The following STON2 variants were observed in gnomAD, a reference collection of about 807,000 sequenced individuals.
The protein encoded by STON2 is stonin-2.
In STON2, 29 loss-of-function variants were observed where a neutral mutation model predicts 65.7. That is an observed-to-expected ratio of 0.44 (90% CI 0.33 to 0.60). The LOEUF is 0.60. Ranked by LOEUF, STON2 falls within the 20% of genes least tolerant of loss-of-function variation. The pLI, the probability that STON2 is intolerant of heterozygous loss-of-function variation, is 0.03. For missense variants in STON2, 1,054 were observed against 1,118.1 expected, an observed-to-expected ratio of 0.94 and a Z score of 0.82; for synonymous variants, 404 against 414.2, an observed-to-expected ratio of 0.98 and a Z score of 0.30.
At chr14:81,430,847 C>A (rs959590998) in intron 1 of STON2, among the ~76,000 whole-genome samples, 1 of 152,016 alleles carries the variant, frequency 6.6e-6, no homozygotes, top group African/African-American at 2.4e-5. Flanking sequence ...AAATGTTATC[C>A]AGTGGGGATG....
At chr14:81,432,125 T>A (rs1478683271) in intron 1 of STON2, among the ~76,000 whole-genome samples, 1 of 152,134 alleles carries the variant, frequency 6.6e-6, no homozygotes, top group Non-Finnish European at 1.5e-5. Context: ...AACCACTGGT[T>A]TATTGGGACC....
At chr14:81,309,469 TTTAC>T (rs1304250290) in intron 5 of STON2, among the ~76,000 whole-genome samples, 3 of 152,154 alleles carry the variant, frequency 2.0e-5, no homozygotes, top group African/African-American at 7.2e-5. Flanking sequence ...ACTTTAAAAT[TTTAC>T]TTAGTTATGA....
chr14:81,425,072 T>G (rs902428146), intron 2 of STON2, among the ~76,000 whole-genome samples: 2 of 152,186 alleles, frequency 1.3e-5, no homozygotes, highest in Non-Finnish European at 2.9e-5. Context: ...TCAAAGCATA[T>G]AAACCATAAA....
chr14:81,310,959 G>T (rs1957542), intron 5 of STON2, among the ~76,000 whole-genome samples: 2 of 152,168 alleles, frequency 1.3e-5, no homozygotes, highest in East Asian at 3.9e-4. Context: ...CTATGTCTCT[G>T]TCTTCTATGG....
At position 81,277,683 on chromosome 14, in the gene STON2, T is replaced by C. The variant is rs368629542; in HGVS notation, c.1799A>G (p.His600Arg). 2.5e-6 allele frequency: 4 copies of C among 1,614,208 alleles called. No individual in the cohort carries two copies. Among genetic ancestry groups the C allele is most frequent in the Non-Finnish European group, 3.4e-6 (4 of 1,180,034 alleles). Residue 600 changes from histidine to arginine, a missense_variant, in exon 6 of 8, where the codon CAT becomes CGT. By Grantham distance (29) the His-to-Arg change is conservative (BLOSUM62 0). Coordinates refer to ENST00000614646, the MANE Select transcript of STON2 (RefSeq NM_001394390.1). The stretch of plus-strand genomic sequence containing the variant: ...ATCCATGAGACGGTCCTGAACTGCA[T>C]GGATGAAACTCAGGAAGTCATCGTA... ...TNYDDFLSFI[H>R]AVQDRLMDLP...
At chr14:81,378,650 C>A (rs371844510) in intron 3 of STON2, among the ~76,000 whole-genome samples, 1 of 152,164 alleles carries the variant, frequency 6.6e-6, no homozygotes, top group African/African-American at 2.4e-5. Flanking sequence ...ATTTTGTTTA[C>A]TTTTGTACTG....
intron 2 of STON2, among the ~76,000 whole-genome samples, chr14:81,421,437 A>G (rs1161129965): frequency 1.3e-5 from 2 of 152,208 alleles, no homozygotes; most frequent in African/African-American, 4.8e-5. Context: ...AACATGACCC[A>G]ATTTGTTTTT....
At chr14:81,283,781 G>A (rs773814098) in intron 5 of STON2, among the ~76,000 whole-genome samples, 8 of 152,112 alleles carry the variant, frequency 5.3e-5, no homozygotes, top group Middle Eastern at 3.4e-3. Flanking sequence ...CGCCCGCCTC[G>A]GCCTCCCAGA....
intron 4 of STON2, 58 bp downstream of exon 4, chr14:81,370,930 G>T: frequency 6.6e-7 from 1 of 1,509,030 alleles, no homozygotes; most frequent in Non-Finnish European, 9.1e-7. Flanking sequence ...ACTTTAAAGT[G>T]GACCTGGGTA....
At chr14:81,396,643 C>G (rs1262001968) in intron 2 of STON2, among the ~76,000 whole-genome samples, 2 of 152,158 alleles carry the variant, frequency 1.3e-5, no homozygotes, top group Non-Finnish European at 2.9e-5. Flanking sequence ...CACAGGACAC[C>G]AGGTGCAAAC....
rs149035170 is a variant in STON2, at chr14:81,343,524, A to G, written c.572-19337T>C. ...ATGCCACAGACACAAGCATTTCACA[A>G]AGCATATCGGGTGAGCCCACCCTTC... is the stretch of plus-strand genomic sequence containing the variant. On this transcript the variant is annotated intron_variant, in intron 4 of 7. Transcript: ENST00000614646. Among the ~76,000 whole-genome samples, 864 of 152,226 alleles carry G rather than the reference A, an allele frequency of 5.7e-3. 9 individuals carry two copies. Among genetic ancestry groups the G allele is most frequent in the African/African-American group, 0.02 (819 of 41,528 alleles).
chr14:81,291,083 T>G (rs1895536550), intron 5 of STON2, among the ~76,000 whole-genome samples: 1 of 152,030 alleles, frequency 6.6e-6, no homozygotes, highest in Admixed American at 6.6e-5. Flanking sequence ...TTATATTAGT[T>G]ATCAATCCAA....
Position 81,398,474 on chromosome 14 carries a change from C to T in STON2, c.-92G>A, listed in dbSNP as rs986699202. The T allele has an allele frequency of 4.0e-5, 38 of 960,246 alleles. No individual in the cohort carries two copies. Among genetic ancestry groups the T allele is most frequent in the Middle Eastern group, 2.2e-4 (1 of 4,514 alleles). The allele number at this position is 960,246 out of a possible 1,614,324, so 59.5% of individuals were successfully genotyped here. On this transcript the variant is annotated 5_prime_UTR_variant, in exon 2 of 8. Coordinates refer to ENST00000614646, the MANE Select transcript of STON2 (RefSeq NM_001394390.1). ...GGGCTGGAGTAGGGGTATGGTAGTA[C>T]GGTAGACTTGGGTCCAGGGTCTGTT...
At chr14:81,400,443 G>A (rs372053601), upstream of STON2, among the ~76,000 whole-genome samples, 1 of 127,928 alleles carries the variant, frequency 7.8e-6, no homozygotes, top group Non-Finnish European at 1.5e-5. Context: ...CTCTTTCAAC[G>A]ACAGCAGCAT....
intron 2 of STON2, among the ~76,000 whole-genome samples, chr14:81,408,526 C>T (rs1900988255): frequency 6.6e-6 from 1 of 152,198 alleles, no homozygotes; most frequent in Admixed American, 6.5e-5. Context: ...TGGCTTCCTT[C>T]TCTAAAGTCA....
intron 3 of STON2, among the ~76,000 whole-genome samples, chr14:81,384,071 G>C (rs1293099313): frequency 6.6e-6 from 1 of 151,890 alleles, no homozygotes; most frequent in African/African-American, 2.4e-5. Flanking sequence ...CTTTCTGCAA[G>C]GCTTGCTGCC....
At chr14:81,387,284 T>C (rs569885441) in intron 3 of STON2, among the ~76,000 whole-genome samples, 2 of 152,118 alleles carry the variant, frequency 1.3e-5, no homozygotes, top group Non-Finnish European at 2.9e-5. Context: ...CCATACAACC[T>C]TAAATCATAT....
chr14:81,288,494 C>T (rs61978890), intron 5 of STON2, among the ~76,000 whole-genome samples: 15,135 of 152,136 alleles, frequency 0.099, 832 homozygotes, highest in African/African-American at 0.12. Context: ...CGTTTGTATA[C>T]CCAAAGATAT....
chr14:81,357,403 G>A (rs1004686314), intron 4 of STON2, among the ~76,000 whole-genome samples: 33 of 152,034 alleles, frequency 2.2e-4, no homozygotes, highest in Non-Finnish European at 4.0e-4. Flanking sequence ...GGAAACAACA[G>A]GTGCTGGAGA....
Sources: allele counts gnomAD v4.1 joint callset (sites outside exome capture counted in the v4.1 genomes callset), GRCh38; gene constraint gnomAD v4.1.1; transcripts MANE v1.5; gene names NCBI Gene and HGNC (gene_info 2026-07-23, HGNC 2026-07-21).